OSR1: variants seen among roughly 807,000 people sequenced by gnomAD.
The protein encoded by OSR1 is odd-skipped related transcription factor 1, also known as protein odd-skipped-related 1.
A neutral mutation model predicts 15.7 loss-of-function variants in OSR1; 3 were observed. The ratio of observed to expected loss-of-function variants is 0.19; its 90% CI spans 0.09 to 0.50. The LOEUF (loss-of-function observed/expected upper bound fraction) is 0.50, where lower values mean the gene tolerates loss of function less well. Among genes scored for constraint, OSR1 ranks in the 20% least tolerant of loss-of-function variants. OSR1 has a pLI of 0.97. For synonymous variants in OSR1, 166 were observed against 152.7 expected, an observed-to-expected ratio of 1.09 and a Z score of -0.64; for missense variants, 271 against 351.1, an observed-to-expected ratio of 0.77 and a Z score of 1.82.
In OSR1 at chr2:19,353,599, G is replaced by A. The variant is rs139101150; in HGVS notation, c.207C>T (p.Phe69=). ...TGGACACCGTGCCCGGCACTTTGGAGAAAGAAGAGCGCGGCAAGTGCATGG... is the reference window on the plus strand; with the variant it reads ...TGGACACCGTGCCCGGCACTTTGGAAAAAGAAGAGCGCGGCAAGTGCATGG... ...YPAMHLPRSS[F]SKVPGTVSSL... is the part of the protein sequence containing the mutation. The change falls in exon 2 of 3, where the codon TTC becomes TTT. Residue 69 remains phenylalanine, a synonymous_variant. Transcript: ENST00000272223. 6.2e-7 allele frequency: 1 copy of A among 1,614,248 alleles called. No homozygotes were observed. The highest frequency in any genetic ancestry group is 1.1e-5 in the South Asian group (1 of 91,092).
Position 19,357,162 on chromosome 2 carries a change from T to C in OSR1, c.-33+1179A>G, listed in dbSNP as rs1572261922. ...TGTCCGCTGCGTCCTCGGTGATCCATTCCCCAATCTTAATAAAACAGCAAT... is the reference window on the plus strand; with the variant it reads ...TGTCCGCTGCGTCCTCGGTGATCCACTCCCCAATCTTAATAAAACAGCAAT... On this transcript the variant is annotated intron_variant, in intron 1 of 2. Transcript: ENST00000272223. The surrounding 1 kb of genome is among the most constrained non-coding windows in gnomAD (Gnocchi z 5.0). Among the ~76,000 whole-genome samples the C allele has an allele frequency of 6.6e-6, 1 of 152,212 alleles. No homozygotes were observed. Among genetic ancestry groups the C allele is most frequent in the Admixed American group, 6.5e-5 (1 of 15,278 alleles).
In OSR1 at chr2:19,352,453, A is replaced by G. The variant is rs201206803; in HGVS notation, c.666-43T>C. 10 of 1,610,352 alleles carry G rather than the reference A, an allele frequency of 6.2e-6. No homozygotes were observed. In the Middle Eastern group the frequency reaches 6.6e-4, roughly 106 times the overall value. On this transcript the variant is annotated intron_variant, in intron 2 of 2. Transcript: ENST00000272223. ...GAGTTCATCCTTGCAAAATGATGCA[A>G]TGTTATAAACAGTTGCCCAAGATCC... is the stretch of plus-strand genomic sequence containing the variant.
rs1664983691 is a variant in OSR1 at position 19,357,970 on chromosome 2, G to A, written c.-33+371C>T. 1 of 152,306 alleles carries A rather than the reference G, an allele frequency of 6.6e-6. No individual in the cohort carries two copies. Among genetic ancestry groups the A allele is most frequent in the Non-Finnish European group, 1.5e-5 (1 of 68,076 alleles). The allele number at this position is 152,306 out of a possible 1,614,324, so 9.4% of individuals were successfully genotyped here. A position where few individuals can be genotyped will look rare whatever the true frequency, so the allele number is the denominator to read the frequency against. On this transcript the variant is annotated intron_variant, in intron 1 of 2. Coordinates refer to ENST00000272223, the MANE Select transcript of OSR1 (RefSeq NM_145260.3). The surrounding 1 kb of genome is among the most constrained non-coding windows in gnomAD (Gnocchi z 5.0). ...ACCTGGGCGTCAGCCAGAGCTAGGA[G>A]CGCGTCTCAGGAAAGTTTGTGCCCG...
In OSR1 at chr2:19,354,190, G is replaced by A. The variant is rs1664902637; in HGVS notation, c.-32-353C>T. On this transcript the variant is annotated intron_variant, in intron 1 of 2. Coordinates refer to ENST00000272223, the MANE Select transcript of OSR1 (RefSeq NM_145260.3). ...TAGAAATTGACATCCAGGTAAGCCC[G>A]GGTCAACACAGAATCACAATCTCCT... The A allele has an allele frequency of 1.5e-5, 3 of 195,590 alleles. No individual in the cohort carries two copies. In the South Asian group the frequency reaches 4.2e-4, roughly 28 times the overall value. 12.1% of individuals were successfully genotyped at this position (195,590 alleles called of 1,614,324 possible). A position where few individuals can be genotyped will look rare whatever the true frequency, so the allele number is the denominator to read the frequency against.
downstream of OSR1, among the ~76,000 whole-genome samples, chr2:19,349,904 A>G (rs770763424): frequency 6.6e-6 from 1 of 152,178 alleles, no homozygotes; most frequent in Non-Finnish European, 1.5e-5. Context: ...AGTTGACCCT[A>G]GTACAAGCTA....
chr2:19,352,313 G>A lies in OSR1; in HGVS notation c.763C>T (p.Gln255Ter). The A allele has an allele frequency of 6.2e-7, 1 of 1,614,238 alleles. No individual in the cohort carries two copies. Among genetic ancestry groups the A allele is most frequent in the Non-Finnish European group, 8.5e-7 (1 of 1,180,036 alleles). ...TLAVHKTLHS[Q>*]VKELKTSKIK... is the part of the protein sequence containing the mutation. ...TTGGAGGTTTTGAGCTCCTTCACCTGTGAGTGTAGCGTCTTGTGGACAGCG... is the reference window on the plus strand; with the variant it reads ...TTGGAGGTTTTGAGCTCCTTCACCTATGAGTGTAGCGTCTTGTGGACAGCG... The change falls in exon 3 of 3, where the codon CAG becomes TAG. Residue 255 changes from glutamine (Q) to a stop codon, truncating the protein, a stop_gained. Coordinates refer to ENST00000272223, the MANE Select transcript of OSR1 (RefSeq NM_145260.3). LOFTEE classifies it high-confidence loss of function.
downstream of OSR1, among the ~76,000 whole-genome samples, chr2:19,348,075 G>C (rs1351964316): frequency 6.6e-6 from 1 of 152,244 alleles, no homozygotes; most frequent in African/African-American, 2.4e-5. Flanking sequence ...AGTGGGAGAG[G>C]AGGGCGGGGC....
chr2:19,347,657 G>A (rs1297543710), downstream of OSR1, among the ~76,000 whole-genome samples: 1 of 152,194 alleles, frequency 6.6e-6, no homozygotes. Flanking sequence ...ACACCAGGGC[G>A]TTCCACCGGG....
At chr2:19,354,641 C>T (rs34445319) in intron 1 of OSR1, 3,406 of 152,442 alleles carry the variant, frequency 0.022, 81 homozygotes, top group Admixed American at 0.031. Flanking sequence ...TCCACTCTCT[C>T]TGCAGCTGCT....
chr2:19,345,457 A>C, the OSR1 span, among the ~76,000 whole-genome samples: 2 of 151,972 alleles, frequency 1.3e-5, no homozygotes, highest in Admixed American at 6.6e-5. Context: ...TAAGTCTTTA[A>C]TCCATCTTGA....
At chr2:19,353,010 C>T (rs1664870674) in intron 2 of OSR1, 131 bp downstream of exon 2, 7 of 1,188,404 alleles carry the variant, frequency 5.9e-6, no homozygotes, top group Non-Finnish European at 8.1e-6. Context: ...GGCTTTCCTT[C>T]TTGATTTTAA....
Position 19,353,411 on chromosome 2 carries a change from G to T in OSR1, c.395C>A (p.Ala132Asp). Residue 132 changes from alanine to aspartate, a missense_variant, in exon 2 of 3, where the codon GCC (alanine) becomes GAC (aspartate). Coordinates refer to ENST00000272223, the MANE Select transcript of OSR1 (RefSeq NM_145260.3). ...TGGGCCCTCCCCGCGACCGAGCTTG[G>T]CCGGATCTTCTTGCGTTGCTGCCAA... ...LALAATQEDP[A>D]KLGRGEGPGS... The T allele has an allele frequency of 6.2e-7, 1 of 1,614,128 alleles. No homozygotes were observed. The highest frequency in any genetic ancestry group is 1.1e-5 in the South Asian group (1 of 91,084).
At chr2:19,346,760 C>T (rs1664736556), downstream of OSR1, 1 of 152,230 alleles carries the variant, frequency 6.6e-6, no homozygotes, top group Non-Finnish European at 1.5e-5. Context: ...TGAGGGAGAA[C>T]TTGTTTCAAT....
downstream of OSR1, among the ~76,000 whole-genome samples, chr2:19,347,186 G>T: frequency 6.6e-6 from 1 of 152,174 alleles, no homozygotes; most frequent in East Asian, 1.9e-4. Flanking sequence ...GGCAGGCTAC[G>T]TCAAAATGCT....
At chr2:19,345,021 GTA>G in the OSR1 span, among the ~76,000 whole-genome samples, 1 of 152,034 alleles carries the variant, frequency 6.6e-6, no homozygotes, top group African/African-American at 2.4e-5. Context: ...AGTCATACAT[GTA>G]TATGTGTGTA....
downstream of OSR1, among the ~76,000 whole-genome samples, chr2:19,349,093 T>C (rs1664789394): frequency 1.3e-5 from 2 of 152,200 alleles, no homozygotes; most frequent in African/African-American, 2.4e-5. Flanking sequence ...GCTGGGACTT[T>C]CTAGAGATGC....
Position 19,353,701 on chromosome 2 carries a change from C to A in OSR1, c.105G>T (p.Ser35=). Residue 35 remains serine, a synonymous_variant, in exon 2 of 3, where the codon TCG becomes TCT. Coordinates refer to ENST00000272223, the MANE Select transcript of OSR1 (RefSeq NM_145260.3). The part of the protein sequence containing the change: ...QAVNGLPTVP[S]DHLPNLYGFS... ...AACCATACAGGTTGGGCAGATGGTCCGAAGGCACTGTGGGCAGGCCGTTCA... is the reference window on the plus strand; with the variant it reads ...AACCATACAGGTTGGGCAGATGGTCAGAAGGCACTGTGGGCAGGCCGTTCA... The A allele has an allele frequency of 3.1e-6, 5 of 1,614,118 alleles. No individual in the cohort carries two copies. The highest frequency in any genetic ancestry group is 4.2e-6 in the Non-Finnish European group (5 of 1,180,006).
Position 19,352,310 on chromosome 2 carries a change from C to T in OSR1, c.766G>A (p.Val256Met), listed in dbSNP as rs1558359236. The T allele has an allele frequency of 6.2e-7, 1 of 1,614,208 alleles. No individual in the cohort carries two copies. The highest frequency in any genetic ancestry group is 8.5e-7 in the Non-Finnish European group (1 of 1,180,032). ...ATCTTGGAGGTTTTGAGCTCCTTCACCTGTGAGTGTAGCGTCTTGTGGACA... is the reference window on the plus strand; with the variant it reads ...ATCTTGGAGGTTTTGAGCTCCTTCATCTGTGAGTGTAGCGTCTTGTGGACA... ...LAVHKTLHSQ[V>M]KELKTSKIKC is the part of the protein sequence containing the mutation. Residue 256 changes from valine to methionine, a missense_variant, in exon 3 of 3, where the codon GTG becomes ATG. Physicochemically the swap from Val to Met is conservative, Grantham distance 21. Coordinates refer to ENST00000272223, the MANE Select transcript of OSR1 (RefSeq NM_145260.3).
downstream of OSR1, among the ~76,000 whole-genome samples, chr2:19,351,086 G>A (rs2103358209): frequency 6.6e-6 from 1 of 152,290 alleles, no homozygotes; most frequent in Middle Eastern, 3.4e-3. Context: ...TTCGGTTAGG[G>A]TGGGGAAAGA....
Sources: allele counts gnomAD v4.1 joint callset (sites outside exome capture counted in the v4.1 genomes callset), GRCh38; gene constraint gnomAD v4.1.1; non-coding constraint Gnocchi (gnomAD v3.1); transcripts MANE v1.5; gene names NCBI Gene and HGNC (gene_info 2026-07-23, HGNC 2026-07-21).